The following MGST1 variants were observed in gnomAD, a reference collection of about 807,000 sequenced individuals.
MGST1 encodes glutathione S-transferase 12.
In MGST1, 5 loss-of-function variants were observed where a neutral mutation model predicts 8.9. The ratio of observed to expected loss-of-function variants is 0.56; its 90% CI spans 0.29 to 1.19. The LOEUF (loss-of-function observed/expected upper bound fraction) is 1.19, where lower values mean the gene tolerates loss of function less well. Ranked by LOEUF, MGST1 falls within the 50% of genes most tolerant of loss-of-function variation. The probability of loss-of-function intolerance (pLI) is 0.08; values close to 1 mark genes in which losing one functional copy is unlikely to be tolerated. For missense variants in MGST1, 182 were observed against 187.4 expected (o/e 0.97, Z 0.17); for synonymous variants, 54 against 67.8 (o/e 0.80, Z 1.00).
At position 16,401,400 on chromosome 12, in the gene MGST1, C is replaced by G. The variant is rs1045840777; in HGVS notation, n.778+17796C>G. The G allele has an allele frequency of 2.9e-6, 3 of 1,042,260 alleles. No homozygotes were observed. The African/African-American group carries it at 4.7e-5, about 16-fold the overall frequency. 64.6% of individuals were successfully genotyped at this position (1,042,260 alleles called of 1,614,324 possible). ...ATCCTAGGTTTCTGGTAATTTTGTTCAGGAGTTCTGGCTTCTGCTTTTTAG... is the reference window on the plus strand; with the variant it reads ...ATCCTAGGTTTCTGGTAATTTTGTTGAGGAGTTCTGGCTTCTGCTTTTTAG... On this transcript the variant is annotated intron_variant and non_coding_transcript_variant, in intron 1 of 1. Coordinates refer to the MGST1 transcript ENST00000359720. The surrounding 1 kb of genome is among the most constrained non-coding windows in gnomAD (Gnocchi z 4.3).
chr12:16,480,167 G>A (rs1309986182), intron 4 of MGST1, among the ~76,000 whole-genome samples: 7 of 146,914 alleles, frequency 4.8e-5, no homozygotes, highest in Non-Finnish European at 8.9e-5. Flanking sequence ...TTTTGAGACG[G>A]AGTCTCACCC....
chr12:16,505,690 C>T (rs1195718050), intron 4 of MGST1, among the ~76,000 whole-genome samples: 1 of 152,168 alleles, frequency 6.6e-6, no homozygotes, highest in Non-Finnish European at 1.5e-5. Flanking sequence ...CTAGATTTCT[C>T]TCACTGTAAT....
Position 16,482,483 on chromosome 12 carries a change from T to G in MGST1, n.482+98879T>G, listed in dbSNP as rs148200279. ...CCGTCTCTACTAAAAATACAAAAAT[T>G]AGCCAGGCGCAGTGGCAGGCGCCTG... On this transcript the variant is annotated intron_variant and non_coding_transcript_variant, in intron 4 of 4. Transcript: ENST00000538857. This position sits in a 1 kb window ranked among gnomAD's most constrained non-coding sequence, Gnocchi z 4.2. Among the ~76,000 whole-genome samples the G allele has an allele frequency of 5.8e-3, 874 of 151,928 alleles. 7 individuals carry two copies. Among genetic ancestry groups the G allele is most frequent in the African/African-American group, 0.02 (830 of 41,454 alleles).
At chr12:16,374,958 G>T (rs1940356008) in intron 3 of MGST1, among the ~76,000 whole-genome samples, 1 of 152,160 alleles carries the variant, frequency 6.6e-6, no homozygotes, top group South Asian at 2.1e-4. Flanking sequence ...ACAGCTCACT[G>T]TAAGCTCAAA....
At chr12:16,464,281 T>C (rs973784893) in intron 4 of MGST1, among the ~76,000 whole-genome samples, 2 of 152,250 alleles carry the variant, frequency 1.3e-5, no homozygotes, top group Non-Finnish European at 2.9e-5. Flanking sequence ...TGTTATCTAA[T>C]GCTGCAGACA....
chr12:16,523,517 C>G (rs543354194), intron 4 of MGST1, among the ~76,000 whole-genome samples: 1 of 152,194 alleles, frequency 6.6e-6, no homozygotes, highest in South Asian at 2.1e-4. Context: ...TGTACATACT[C>G]TCACAGCCAT....
intron 4 of MGST1, among the ~76,000 whole-genome samples, chr12:16,489,878 C>G (rs964933345): frequency 6.6e-6 from 1 of 152,134 alleles, no homozygotes; most frequent in African/African-American, 2.4e-5. Context: ...ATTCCATTGT[C>G]TCCCTGAGGG....
intron 4 of MGST1, among the ~76,000 whole-genome samples, chr12:16,502,389 G>C (rs1241749929): frequency 6.6e-6 from 1 of 152,048 alleles, no homozygotes; most frequent in Non-Finnish European, 1.5e-5. Context: ...TATACTCTTC[G>C]CTTAAATTCA....
chr12:16,574,019 C>T lies in MGST1; in HGVS notation n.483-15509C>T, dbSNP rs548531120. The T allele has an allele frequency of 6.8e-4, 103 of 152,304 alleles. 1 individual carries two copies. Among genetic ancestry groups the T allele is most frequent in the African/African-American group, 2.4e-3 (99 of 41,502 alleles). The allele number at this position is 152,304 out of a possible 1,614,324, so 9.4% of individuals were successfully genotyped here. On this transcript the variant is annotated intron_variant and non_coding_transcript_variant, in intron 4 of 4. Coordinates refer to the MGST1 transcript ENST00000538857. ...TTACTCCACTGCCTAATTGCTGCTTCTCCGCTTCCCCGCTTCCCCGAAGTA... is the reference window on the plus strand; with the variant it reads ...TTACTCCACTGCCTAATTGCTGCTTTTCCGCTTCCCCGCTTCCCCGAAGTA...
downstream of MGST1, among the ~76,000 whole-genome samples, chr12:16,441,414 G>T (rs1312905761): frequency 1.3e-5 from 2 of 151,786 alleles, no homozygotes; most frequent in African/African-American, 4.8e-5. Context: ...TGATAAATGT[G>T]TTATGATATC....
Position 16,410,742 on chromosome 12 carries a change from T to A in MGST1, n.779-26646T>A, listed in dbSNP as rs1457550066. Among the ~76,000 whole-genome samples, 1 of 149,900 alleles carries A rather than the reference T, an allele frequency of 6.7e-6. No individual in the cohort carries two copies. The highest frequency in any genetic ancestry group is 1.5e-5 in the Non-Finnish European group (1 of 67,590). On this transcript the variant is annotated intron_variant and non_coding_transcript_variant, in intron 1 of 1. Coordinates refer to the MGST1 transcript ENST00000359720. The surrounding 1 kb of genome is among the most constrained non-coding windows in gnomAD (Gnocchi z 4.4). The stretch of plus-strand genomic sequence containing the variant: ...ATATTCAAATATACTCAAATGTATA[T>A]GTTTGATTATATATATATTTGATTA...
At chr12:16,372,096 A>G (rs535538411) in intron 3 of MGST1, among the ~76,000 whole-genome samples, 11 of 152,214 alleles carry the variant, frequency 7.2e-5, no homozygotes, top group Admixed American at 6.6e-4. Context: ...AGAAAACATT[A>G]AGGAAACACT....
At position 16,399,511 on chromosome 12, in the gene MGST1, C is replaced by G; in HGVS notation, n.778+15907C>G. ...CTACCCAACGACTCCTTAGAAGAGT[C>G]TGACTCTTCTGCTTCTGATGAATAA... is the stretch of plus-strand genomic sequence containing the variant. On this transcript the variant is annotated intron_variant and non_coding_transcript_variant, in intron 1 of 1. Transcript: ENST00000359720. The G allele has an allele frequency of 2.6e-6, 4 of 1,558,570 alleles. No homozygotes were observed. In the Admixed American group the frequency reaches 5.0e-5, roughly 19 times the overall value.
At chr12:16,515,216 TA>T (rs1941604335) in intron 4 of MGST1, among the ~76,000 whole-genome samples, 1 of 152,194 alleles carries the variant, frequency 6.6e-6, no homozygotes, top group African/African-American at 2.4e-5. Flanking sequence ...ATTCCTGTCA[TA>T]TTTAAGAAAA....
chr12:16,559,564 A>G lies in MGST1; in HGVS notation n.483-29964A>G, dbSNP rs923423405. Among the ~76,000 whole-genome samples the G allele has an allele frequency of 6.6e-6, 1 of 152,152 alleles. No homozygotes were observed. On this transcript the variant is annotated intron_variant and non_coding_transcript_variant, in intron 4 of 4. Coordinates refer to the MGST1 transcript ENST00000538857. The surrounding 1 kb of genome is among the most constrained non-coding windows in gnomAD (Gnocchi z 4.1). Reference sequence around the variant, plus strand: ...CAAATGCTCCTCTCCAATGATAATAATTGTTTAATTATTAGCTATATCTGG... The same window carrying G: ...CAAATGCTCCTCTCCAATGATAATAGTTGTTTAATTATTAGCTATATCTGG...
chr12:16,453,351 G>T (rs983340690), intron 4 of MGST1, among the ~76,000 whole-genome samples: 2 of 151,872 alleles, frequency 1.3e-5, no homozygotes, highest in African/African-American at 4.8e-5. Context: ...CTAATGTTCA[G>T]TAATTGGATT....
chr12:16,402,493 C>T, intron 1 of MGST1: 1 of 1,355,096 alleles, frequency 7.4e-7, no homozygotes, highest in South Asian at 1.2e-5. Flanking sequence ...GCTCTCGGCC[C>T]AGGAATCCCG....
chr12:16,463,384 A>AT (rs1941233667), intron 4 of MGST1, among the ~76,000 whole-genome samples: 1 of 137,182 alleles, frequency 7.3e-6, no homozygotes, highest in Non-Finnish European at 1.5e-5. Context: ...ATTGGCAATA[A>AT]TTTTTTTAAA....
chr12:16,382,206 G>A (rs547135643), upstream of MGST1, among the ~76,000 whole-genome samples: 3 of 152,158 alleles, frequency 2.0e-5, no homozygotes, highest in Non-Finnish European at 4.4e-5. Flanking sequence ...TTGAGGAGGA[G>A]AGGCGCTCTG....
Sources: gnomAD v4.1 joint callset for allele counts (sites outside exome capture counted in the v4.1 genomes callset) on GRCh38, gnomAD v4.1.1 for gene constraint, Gnocchi (gnomAD v3.1) non-coding constraint, MANE v1.5 for transcripts, NCBI Gene and HGNC (gene_info 2026-07-23, HGNC 2026-07-21) for gene names.